Variants in EFNA5 observed in about 807,000 individuals in gnomAD.
EFNA5 encodes the protein ephrin-A5.
A neutral mutation model predicts 22.9 loss-of-function variants in EFNA5; 5 were observed. The observed-to-expected ratio is 0.22, with a 90% confidence interval of 0.11 to 0.46. The LOEUF (loss-of-function observed/expected upper bound fraction) is 0.46, where lower values mean the gene tolerates loss of function less well. EFNA5 is among the 20% of genes least tolerant of loss of function. The pLI is 0.99. For synonymous variants in EFNA5, 113 were observed against 112.2 expected, an observed-to-expected ratio of 1.01 and a Z score of -0.04; for missense variants, 237 against 293.3, an observed-to-expected ratio of 0.81 and a Z score of 1.40.
chr5:107,504,453 A>G (rs960766188), intron 1 of EFNA5, among the ~76,000 whole-genome samples: 1 of 152,186 alleles, frequency 6.6e-6, no homozygotes, highest in Non-Finnish European at 1.5e-5. Flanking sequence ...TGTCTTCTCT[A>G]TTTGGAGCTT....
chr5:107,482,250 G>A (rs1026514594), intron 1 of EFNA5, among the ~76,000 whole-genome samples: 6 of 151,256 alleles, frequency 4.0e-5, no homozygotes, highest in Non-Finnish European at 7.4e-5. Context: ...AGGTTGCAGT[G>A]AGCCGAGGTC....
intron 1 of EFNA5, among the ~76,000 whole-genome samples, chr5:107,588,081 T>C (rs1749230531): frequency 6.6e-6 from 1 of 152,166 alleles, no homozygotes; most frequent in Non-Finnish European, 1.5e-5. Flanking sequence ...TCCCAATGAC[T>C]CTCTCCCTTG....
intron 1 of EFNA5, among the ~76,000 whole-genome samples, chr5:107,558,495 C>T (rs1470275518): frequency 6.6e-6 from 1 of 152,146 alleles, no homozygotes; most frequent in Non-Finnish European, 1.5e-5. Flanking sequence ...ATATATTTCT[C>T]TTCCAAAACT....
intron 1 of EFNA5, among the ~76,000 whole-genome samples, chr5:107,543,148 T>G (rs960006548): frequency 5.3e-5 from 8 of 152,150 alleles, no homozygotes; most frequent in Non-Finnish European, 8.8e-5. Context: ...TGGGCAGGGC[T>G]TCCCGGCAGA....
chr5:107,520,625 T>A (rs1199801623), intron 1 of EFNA5, among the ~76,000 whole-genome samples: 1 of 152,176 alleles, frequency 6.6e-6, no homozygotes, highest in African/African-American at 2.4e-5. Context: ...AACATAAATG[T>A]TTGTTAGGTT....
In EFNA5 at chr5:107,465,857, A is replaced by T. The variant is rs187783049; in HGVS notation, c.126-38348T>A. On this transcript the variant is annotated intron_variant, in intron 1 of 4. Transcript: ENST00000333274. ...ATAGAGCCTGAGATCCTCACTGAAAAACAAAGAAAAAGGGAATGAACTCAG... is the reference window on the plus strand; with the variant it reads ...ATAGAGCCTGAGATCCTCACTGAAATACAAAGAAAAAGGGAATGAACTCAG... 2.1e-3 allele frequency among the ~76,000 whole-genome samples: 318 copies of T among 152,096 alleles called. 2 individuals carry two copies. The highest frequency in any genetic ancestry group is 3.4e-3 in the Non-Finnish European group (232 of 67,976).
At chr5:107,425,663 GA>G (rs1748792478) in intron 2 of EFNA5, among the ~76,000 whole-genome samples, 1 of 152,100 alleles carries the variant, frequency 6.6e-6, no homozygotes. Context: ...GTTTTCTCAT[GA>G]CTAATGACTG....
intron 1 of EFNA5, among the ~76,000 whole-genome samples, chr5:107,496,046 G>A (rs965144607): frequency 4.6e-5 from 7 of 151,640 alleles, no homozygotes; most frequent in Non-Finnish European, 8.8e-5. Flanking sequence ...CTTAGAGCAG[G>A]CTGGCGCGGT....
chr5:107,649,919 C>T (rs1419670963), intron 1 of EFNA5, among the ~76,000 whole-genome samples: 1 of 151,970 alleles, frequency 6.6e-6, no homozygotes, highest in African/African-American at 2.4e-5. Context: ...TGTCTAGGAC[C>T]ACAGCAAGTA....
At chr5:107,548,912 C>T (rs1293189765) in intron 1 of EFNA5, among the ~76,000 whole-genome samples, 1 of 152,174 alleles carries the variant, frequency 6.6e-6, no homozygotes, top group Non-Finnish European at 1.5e-5. Flanking sequence ...TCCCCAAACC[C>T]TCCAGTGTCT....
intron 2 of EFNA5, among the ~76,000 whole-genome samples, chr5:107,412,570 C>G (rs1748397811): frequency 6.6e-6 from 1 of 152,148 alleles, no homozygotes; most frequent in Non-Finnish European, 1.5e-5. Flanking sequence ...GAACATTTCT[C>G]CACGTTTCTC....
intron 1 of EFNA5, among the ~76,000 whole-genome samples, chr5:107,502,116 G>T (rs190709047): frequency 3.3e-5 from 5 of 152,204 alleles, no homozygotes; most frequent in Non-Finnish European, 7.3e-5. Context: ...TTCACCCAAC[G>T]TAGGGCAGAA....
chr5:107,597,751 G>A (rs1749503837), intron 1 of EFNA5, among the ~76,000 whole-genome samples: 1 of 152,090 alleles, frequency 6.6e-6, no homozygotes, highest in South Asian at 2.1e-4. Flanking sequence ...AACAGACCGT[G>A]AACCAGAGAT....
intron 1 of EFNA5, among the ~76,000 whole-genome samples, chr5:107,569,584 T>TATAA (rs1748751047): frequency 3.3e-5 from 1 of 30,556 alleles, no homozygotes. Flanking sequence ...TATATATATA[T>TATAA]ATATATATAT....
intron 2 of EFNA5, among the ~76,000 whole-genome samples, chr5:107,391,222 C>T (rs1305889373): frequency 3.3e-5 from 5 of 152,076 alleles, no homozygotes; most frequent in South Asian, 4.1e-4. Context: ...GCTGTGCATG[C>T]GAAGATATAT....
At position 107,489,460 on chromosome 5, in the gene EFNA5, C is replaced by T. The variant is rs113262126; in HGVS notation, c.126-61951G>A. On this transcript the variant is annotated intron_variant, in intron 1 of 4. Transcript: ENST00000333274. Reference sequence around the variant, plus strand: ...TGCTGGGATTACAGGCATGAACCACCGTGCCCGTCCTGGACCAGATAAAAT... The same window carrying T: ...TGCTGGGATTACAGGCATGAACCACTGTGCCCGTCCTGGACCAGATAAAAT... Among the ~76,000 whole-genome samples the T allele has an allele frequency of 4.9e-3, 744 of 152,248 alleles. 4 individuals carry two copies. Among genetic ancestry groups the T allele is most frequent in the African/African-American group, 0.017 (711 of 41,530 alleles).
chr5:107,467,905 G>A (rs1750034502), intron 1 of EFNA5, among the ~76,000 whole-genome samples: 1 of 152,050 alleles, frequency 6.6e-6, no homozygotes, highest in Admixed American at 6.6e-5. Flanking sequence ...ACATACATGT[G>A]GACATCAAAA....
At chr5:107,571,036 C>T (rs1341577921) in intron 1 of EFNA5, among the ~76,000 whole-genome samples, 1 of 151,864 alleles carries the variant, frequency 6.6e-6, no homozygotes, top group Non-Finnish European at 1.5e-5. Context: ...ACTCTCTCTT[C>T]TCTCTCTCTC....
chr5:107,641,085 C>A (rs903941897), intron 1 of EFNA5, among the ~76,000 whole-genome samples: 2 of 151,978 alleles, frequency 1.3e-5, no homozygotes, highest in African/African-American at 4.8e-5. Context: ...AGGCTGGGCA[C>A]GGTGGCTCAC....
Sources: gnomAD v4.1 joint callset for allele counts (sites outside exome capture counted in the v4.1 genomes callset) on GRCh38, gnomAD v4.1.1 for gene constraint, MANE v1.5 for transcripts, NCBI Gene and HGNC (gene_info 2026-07-23, HGNC 2026-07-21) for gene names.